The following MACO1 variants were observed in gnomAD, a reference collection of about 807,000 sequenced individuals.
MACO1 encodes macoilin 1.
In MACO1, 14 loss-of-function variants were observed where a neutral mutation model predicts 78.7. The ratio of observed to expected loss-of-function variants is 0.18; its 90% CI spans 0.12 to 0.28. The LOEUF (loss-of-function observed/expected upper bound fraction) is 0.28, where lower values mean the gene tolerates loss of function less well. Ranked by LOEUF, MACO1 falls within the 10% of genes least tolerant of loss-of-function variation. The pLI is 1.00. For missense variants in MACO1, 501 were observed against 799.0 expected (o/e 0.63, Z 4.50); for synonymous variants, 288 against 291.6 (o/e 0.99, Z 0.12).
rs2043426866 is a variant in MACO1, at chr1:25,485,980, G to C, written c.1496+185G>C. 6.6e-6 allele frequency among the ~76,000 whole-genome samples: 1 copy of C among 152,132 alleles called. No individual in the cohort carries two copies. The highest frequency in any genetic ancestry group is 2.1e-4 in the South Asian group (1 of 4,820). On this transcript the variant is annotated intron_variant, in intron 8 of 10. Transcript: ENST00000374343. This position sits in a 1 kb window ranked among gnomAD's most constrained non-coding sequence, Gnocchi z 4.3. Reference sequence around the variant, plus strand: ...TGCAAGCTTGCACTATCTTATAACAGCTTTATCCCTCAGTGACCTCATCTA... The same window carrying C: ...TGCAAGCTTGCACTATCTTATAACACCTTTATCCCTCAGTGACCTCATCTA...
At chr1:25,435,753 A>G (rs1289733521) in intron 1 of MACO1, among the ~76,000 whole-genome samples, 1 of 152,170 alleles carries the variant, frequency 6.6e-6, no homozygotes, top group African/African-American at 2.4e-5. Context: ...TAGATTCTGT[A>G]TTGTTTTAGA....
At chr1:25,468,248 A>G (rs2043236425) in intron 6 of MACO1, among the ~76,000 whole-genome samples, 1 of 152,082 alleles carries the variant, frequency 6.6e-6, no homozygotes, top group Admixed American at 6.6e-5. Context: ...TGAGACTTCA[A>G]CTCTGGTTAG....
chr1:25,437,570 A>C (rs1431165106), intron 1 of MACO1, among the ~76,000 whole-genome samples: 1 of 152,186 alleles, frequency 6.6e-6, no homozygotes, highest in Admixed American at 6.5e-5. Context: ...TGTCCAAAGT[A>C]AGGATTCCTG....
At chr1:25,470,933 C>A (rs749773824) in intron 6 of MACO1, among the ~76,000 whole-genome samples, 1 of 152,122 alleles carries the variant, frequency 6.6e-6, no homozygotes, top group Non-Finnish European at 1.5e-5. Flanking sequence ...GAGGCTGAGG[C>A]ACGAGAATCA....
intron 6 of MACO1, among the ~76,000 whole-genome samples, chr1:25,472,536 CCTT>C (rs1437824660): frequency 2.6e-5 from 4 of 152,202 alleles, no homozygotes; most frequent in African/African-American, 9.7e-5. Context: ...TCTGTTCCAA[CCTT>C]CTCTCCAAGG....
chr1:25,446,387 C>A (rs992741891), intron 1 of MACO1, among the ~76,000 whole-genome samples: 3 of 152,168 alleles, frequency 2.0e-5, no homozygotes, highest in African/African-American at 7.2e-5. Flanking sequence ...AATTTGAAGC[C>A]TTTCAACTGT....
At chr1:25,487,962 A>C (rs551108268) in intron 8 of MACO1, among the ~76,000 whole-genome samples, 2 of 152,204 alleles carry the variant, frequency 1.3e-5, no homozygotes, top group African/African-American at 4.8e-5. Context: ...TGGGATAAAT[A>C]TACCCTAGGT....
Position 25,432,338 on chromosome 1 carries a change from A to T in MACO1, c.80+1160A>T, listed in dbSNP as rs376286408. ...TTTCCACAAGCAGCTGACTGATGTA[A>T]ACACTGGGGATTTTCTTCAAGTTTA... On this transcript the variant is annotated intron_variant, in intron 1 of 10. Coordinates refer to ENST00000374343, the MANE Select transcript of MACO1 (RefSeq NM_018202.6). 2.6e-4 allele frequency among the ~76,000 whole-genome samples: 40 copies of T among 152,330 alleles called. 1 individual carries two copies. In the East Asian group the frequency reaches 5.0e-3, roughly 19 times the overall value.
chr1:25,478,683 T>C (rs1230257451), intron 6 of MACO1, among the ~76,000 whole-genome samples: 4 of 152,224 alleles, frequency 2.6e-5, no homozygotes, highest in African/African-American at 9.6e-5. Flanking sequence ...TTTGAAATTA[T>C]CAGTAAAGTG....
chr1:25,432,715 A>C (rs1334732253), intron 1 of MACO1, among the ~76,000 whole-genome samples: 1 of 152,268 alleles, frequency 6.6e-6, no homozygotes, highest in Non-Finnish European at 1.5e-5. Context: ...TAACATAAAA[A>C]TAGGAAAGGG....
chr1:25,461,984 TCCTC>T (rs2043176226), intron 6 of MACO1, among the ~76,000 whole-genome samples: 1 of 152,186 alleles, frequency 6.6e-6, no homozygotes, highest in Non-Finnish European at 1.5e-5. Flanking sequence ...TTATCTTACT[TCCTC>T]CCACCCTTCC....
At chr1:25,484,322 GCTT>G (rs747216916) in intron 7 of MACO1, 48 bp downstream of exon 7, 2 of 1,521,100 alleles carry the variant, frequency 1.3e-6, no homozygotes, top group Non-Finnish European at 1.8e-6. Flanking sequence ...CAGCTTCACT[GCTT>G]CTCCTGTTGC....
At chr1:25,473,891 CA>C (rs2043296777) in intron 6 of MACO1, among the ~76,000 whole-genome samples, 1 of 152,180 alleles carries the variant, frequency 6.6e-6, no homozygotes, top group African/African-American at 2.4e-5. Flanking sequence ...TCCTCTATCA[CA>C]AGGTACATTT....
intron 1 of MACO1, among the ~76,000 whole-genome samples, chr1:25,433,558 C>G (rs1045732769): frequency 2.0e-5 from 3 of 152,134 alleles, no homozygotes; most frequent in Non-Finnish European, 4.4e-5. Context: ...TCTACTGTTT[C>G]ATAGCCAAAC....
chr1:25,440,405 GAA>G (rs35855810), intron 1 of MACO1, among the ~76,000 whole-genome samples: 16 of 124,576 alleles, frequency 1.3e-4, no homozygotes, highest in South Asian at 2.8e-4. Context: ...CCAGTTCTGG[GAA>G]AAAAAAAAAA....
rs2043418416 is a variant in MACO1, at chr1:25,485,157, G to A, written c.1314-456G>A. On this transcript the variant is annotated intron_variant, in intron 7 of 10. Coordinates refer to ENST00000374343, the MANE Select transcript of MACO1 (RefSeq NM_018202.6). This position sits in a 1 kb window ranked among gnomAD's most constrained non-coding sequence, Gnocchi z 4.3. ...GAGCTGGAAAGGAAAAGCTGTAGTA[G>A]GCTACAGCAAAATTGTATTCAGGAA... 6.6e-6 allele frequency among the ~76,000 whole-genome samples: 1 copy of A among 152,160 alleles called. No homozygotes were observed. Among genetic ancestry groups the A allele is most frequent in the Non-Finnish European group, 1.5e-5 (1 of 68,040 alleles).
chr1:25,489,168 A>G lies in MACO1; in HGVS notation c.1497-5A>G. 6.2e-7 allele frequency: 1 copy of G among 1,612,408 alleles called. No individual in the cohort carries two copies. The highest frequency in any genetic ancestry group is 2.2e-5 in the East Asian group (1 of 44,856). On this transcript the variant is annotated splice_region_variant and splice_polypyrimidine_tract_variant and intron_variant, in intron 8 of 10. Coordinates refer to ENST00000374343, the MANE Select transcript of MACO1 (RefSeq NM_018202.6). ...ACTTTATTTCCTTCTCTTCTTTTTC[A>G]AAAGGGGAGAATGCACCGAAACCTT...
intron 6 of MACO1, among the ~76,000 whole-genome samples, chr1:25,475,530 A>G (rs2043314327): frequency 6.6e-6 from 1 of 150,478 alleles, no homozygotes; most frequent in Non-Finnish European, 1.5e-5. Flanking sequence ...TCTGGTCAAC[A>G]TAGCAAGACC....
intron 1 of MACO1, among the ~76,000 whole-genome samples, chr1:25,436,591 A>G (rs2042921120): frequency 6.6e-6 from 1 of 152,202 alleles, no homozygotes; most frequent in Non-Finnish European, 1.5e-5. Flanking sequence ...ACAACAGTAG[A>G]TACACATATC....
Sources: gnomAD v4.1 joint callset for allele counts (sites outside exome capture counted in the v4.1 genomes callset) on GRCh38, gnomAD v4.1.1 for gene constraint, Gnocchi (gnomAD v3.1) non-coding constraint, MANE v1.5 for transcripts, NCBI Gene and HGNC (gene_info 2026-07-23, HGNC 2026-07-21) for gene names.